The following EXOC4 variants were observed in gnomAD, a reference collection of about 807,000 sequenced individuals.
EXOC4 encodes exocyst complex component 4.
A neutral mutation model predicts 107.2 loss-of-function variants in EXOC4; 71 were observed. That is an observed-to-expected ratio of 0.66 (90% CI 0.55 to 0.81). The LOEUF (loss-of-function observed/expected upper bound fraction) is 0.81, where lower values mean the gene tolerates loss of function less well. Ranked by LOEUF, EXOC4 falls within the 30% of genes least tolerant of loss-of-function variation. The pLI is 0.00. For synonymous variants in EXOC4, 456 were observed against 441.2 expected, an observed-to-expected ratio of 1.03 and a Z score of -0.42; for missense variants, 1,108 against 1,189.6, an observed-to-expected ratio of 0.93 and a Z score of 1.01.
chr7:133,848,453 A>G (rs1563025477), intron 11 of EXOC4, among the ~76,000 whole-genome samples: 1 of 152,190 alleles, frequency 6.6e-6, no homozygotes, highest in Non-Finnish European at 1.5e-5. Context: ...CAGCCTCTGA[A>G]TCTTTAACAC....
At chr7:133,956,298 T>A (rs1800818222) in intron 14 of EXOC4, among the ~76,000 whole-genome samples, 2 of 152,204 alleles carry the variant, frequency 1.3e-5, no homozygotes, top group South Asian at 4.1e-4. Flanking sequence ...AAGTAAGTGT[T>A]AAAAGATAGA....
chr7:133,633,075 G>A (rs1007176933), intron 10 of EXOC4, among the ~76,000 whole-genome samples: 3 of 152,018 alleles, frequency 2.0e-5, no homozygotes, highest in African/African-American at 7.2e-5. Flanking sequence ...CATGTCCTGG[G>A]GAAAGAAAAA....
Position 133,622,276 on chromosome 7 carries a change from A to AT in EXOC4, c.1418-7761dup, listed in dbSNP as rs201643293. On this transcript the variant is annotated intron_variant, in intron 9 of 17. Coordinates refer to ENST00000253861, the MANE Select transcript of EXOC4 (RefSeq NM_021807.4). The stretch of plus-strand genomic sequence containing the variant: ...GGGCATGAGCCGTCACACCTGGCCG[A>AT]TTTTTTTTCTTCTTTTGTAGGAGAA... 4.1e-3 allele frequency among the ~76,000 whole-genome samples: 627 copies of AT among 151,808 alleles called. 9 individuals carry two copies. The highest frequency in any genetic ancestry group is 0.036 in the East Asian group (185 of 5,144).
intron 7 of EXOC4, among the ~76,000 whole-genome samples, chr7:133,429,954 T>A (rs1563062675): frequency 2.0e-5 from 3 of 152,198 alleles, no homozygotes; most frequent in Non-Finnish European, 4.4e-5. Context: ...GCTTTTGGGC[T>A]CCAGCCCCAT....
At chr7:133,587,515 G>T (rs566111934) in intron 9 of EXOC4, among the ~76,000 whole-genome samples, 2 of 152,164 alleles carry the variant, frequency 1.3e-5, no homozygotes, top group East Asian at 3.9e-4. Context: ...GGACAGGTGG[G>T]GAGTTAGCAG....
intron 10 of EXOC4, among the ~76,000 whole-genome samples, chr7:133,644,073 C>G (rs562728353): frequency 6.6e-6 from 1 of 152,308 alleles, no homozygotes; most frequent in South Asian, 2.1e-4. Flanking sequence ...TAAACTGGCT[C>G]AAGTCTGAAA....
rs970149083 is a variant in EXOC4 at position 133,895,678 on chromosome 7, T to G, written c.1814T>G (p.Leu605Arg). 6 of 1,614,052 alleles carry G rather than the reference T, an allele frequency of 3.7e-6. No individual in the cohort carries two copies. In the African/African-American group the frequency reaches 6.7e-5, roughly 18 times the overall value. The change falls in exon 12 of 18, where the codon CTC becomes CGC. Residue 605 changes from leucine to arginine, a missense_variant. Coordinates refer to ENST00000253861, the MANE Select transcript of EXOC4 (RefSeq NM_021807.4). ...TTGAGTGCATATTCAGATCAATTCC[T>G]CAACATGGTGTGCGTGAAGCTCCAG... is the stretch of plus-strand genomic sequence containing the variant. Reference protein sequence around the residue: ...HDLSAYSDQFLNMVCVKLQEY... With the variant: ...HDLSAYSDQFRNMVCVKLQEY...
At chr7:133,609,470 CCTCTT>C (rs1802028057) in intron 9 of EXOC4, among the ~76,000 whole-genome samples, 1 of 152,028 alleles carries the variant, frequency 6.6e-6, no homozygotes, top group Non-Finnish European at 1.5e-5. Context: ...TGGCAATTGC[CCTCTT>C]CTCTCGATTG....
chr7:133,607,071 A>G (rs954303477), intron 9 of EXOC4, among the ~76,000 whole-genome samples: 4 of 152,174 alleles, frequency 2.6e-5, no homozygotes, highest in African/African-American at 7.2e-5. Context: ...GGCAAGCATC[A>G]TTGTCACAGC....
intron 17 of EXOC4, among the ~76,000 whole-genome samples, chr7:134,037,482 A>G (rs1795417112): frequency 6.6e-6 from 1 of 152,216 alleles, no homozygotes; most frequent in Admixed American, 6.5e-5. Context: ...GGCTCAGAGA[A>G]GTTCAGATGT....
At chr7:134,054,792 T>C (rs1175226348) in intron 17 of EXOC4, among the ~76,000 whole-genome samples, 1 of 152,234 alleles carries the variant, frequency 6.6e-6, no homozygotes, top group Non-Finnish European at 1.5e-5. Context: ...CACAGTAGTC[T>C]TTTCATCCAC....
At chr7:134,057,423 TG>T (rs1432104185) in intron 17 of EXOC4, among the ~76,000 whole-genome samples, 13 of 152,206 alleles carry the variant, frequency 8.5e-5, no homozygotes, top group Admixed American at 3.3e-4. Context: ...TGCCACTAAC[TG>T]TCTGAAAATT....
intron 1 of EXOC4, among the ~76,000 whole-genome samples, chr7:133,259,051 T>C (rs1203742788): frequency 6.6e-6 from 1 of 152,124 alleles, no homozygotes; most frequent in East Asian, 1.9e-4. Context: ...ATAGGAACAT[T>C]GTCCAGCAAT....
chr7:133,529,085 C>T lies in EXOC4; in HGVS notation c.1417+48947C>T, dbSNP rs114107433. ...TTTTGCTTCCTGAGATCTAAAGTAT[C>T]CCTTTCGTTACCACCTAGTGTTCTC... On this transcript the variant is annotated intron_variant, in intron 9 of 17. Coordinates refer to ENST00000253861, the MANE Select transcript of EXOC4 (RefSeq NM_021807.4). 5.6e-3 allele frequency among the ~76,000 whole-genome samples: 852 copies of T among 152,204 alleles called. 9 individuals carry two copies. The highest frequency in any genetic ancestry group is 0.019 in the African/African-American group (807 of 41,540).
At position 133,917,536 on chromosome 7, in the gene EXOC4, T is replaced by TA. The variant is rs764371320; in HGVS notation, c.1872-46dup. The stretch of plus-strand genomic sequence containing the variant: ...AAGGTAGATGAAAATGCTAACTGAA[T>TA]ACCAGGCATCATGCTACAGTGTCTC... On this transcript the variant is annotated intron_variant, in intron 12 of 17. Coordinates refer to ENST00000253861, the MANE Select transcript of EXOC4 (RefSeq NM_021807.4). 3.8e-6 allele frequency: 6 copies of TA among 1,580,192 alleles called. No homozygotes were observed. In the African/African-American group the frequency reaches 8.1e-5, roughly 21 times the overall value.
chr7:133,534,224 GACTGCATACATTT>G (rs1443653117), intron 9 of EXOC4, among the ~76,000 whole-genome samples: 11 of 152,088 alleles, frequency 7.2e-5, no homozygotes, highest in African/African-American at 2.2e-4. Context: ...TTTGATTAAT[GACTGCATACATTT>G]TAAATGATGT....
In EXOC4 at chr7:133,536,471, G is replaced by T. The variant is rs373106411; in HGVS notation, c.1417+56333G>T. 1.2e-4 allele frequency among the ~76,000 whole-genome samples: 18 copies of T among 152,136 alleles called. No homozygotes were observed. The South Asian group carries it at 3.7e-3, about 32-fold the overall frequency. ...GTTTCCAGCCAGCCTTCTTCAAAAT[G>T]TTGCTGGTAGCAATTTTTATCACAC... On this transcript the variant is annotated intron_variant, in intron 9 of 17. Coordinates refer to ENST00000253861, the MANE Select transcript of EXOC4 (RefSeq NM_021807.4).
intron 14 of EXOC4, among the ~76,000 whole-genome samples, chr7:133,994,249 A>C (rs1227059391): frequency 6.6e-6 from 1 of 152,164 alleles, no homozygotes; most frequent in Non-Finnish European, 1.5e-5. Flanking sequence ...TTTGCTGAGG[A>C]TGATGGTTTC....
At chr7:133,849,149 A>G (rs1316797450) in intron 11 of EXOC4, among the ~76,000 whole-genome samples, 1 of 152,204 alleles carries the variant, frequency 6.6e-6, no homozygotes, top group Non-Finnish European at 1.5e-5. Context: ...CATAGAGACC[A>G]GGTGCAGTGA....
Sources: gnomAD v4.1 joint callset for allele counts (sites outside exome capture counted in the v4.1 genomes callset) on GRCh38, gnomAD v4.1.1 for gene constraint, MANE v1.5 for transcripts, NCBI Gene and HGNC (gene_info 2026-07-23, HGNC 2026-07-21) for gene names.